Variants in MS4A3 observed in about 807,000 individuals in gnomAD.
MS4A3 encodes membrane-spanning 4-domains subfamily A member 3.
MS4A3 carries 18 observed loss-of-function variants against 24.7 expected under a neutral mutation model. That is an observed-to-expected ratio of 0.73 (90% CI 0.50 to 1.08). The LOEUF (loss-of-function observed/expected upper bound fraction) is 1.08, where lower values mean the gene tolerates loss of function less well. Among genes scored for constraint, MS4A3 ranks in the 50% least tolerant of loss-of-function variants. MS4A3 has a pLI of 0.00. For missense variants in MS4A3, 282 were observed against 251.7 expected (o/e 1.12, Z -0.82); for synonymous variants, 84 against 95.3 (o/e 0.88, Z 0.69).
At chr11:60,059,524 T>C (rs1855238297) in intron 1 of MS4A3, among the ~76,000 whole-genome samples, 1 of 152,122 alleles carries the variant, frequency 6.6e-6, no homozygotes, top group African/African-American at 2.4e-5. Context: ...TAGTTATTTT[T>C]CCCGATCTCC....
intron 5 of MS4A3, among the ~76,000 whole-genome samples, chr11:60,068,499 G>A (rs542505073): frequency 2.2e-4 from 33 of 148,892 alleles, no homozygotes; most frequent in Non-Finnish European, 1.2e-4. Context: ...TGATCCGCCC[G>A]CCTCTGCCTC....
Position 60,070,362 on chromosome 11 carries a change from C to T in MS4A3, c.*129C>T. ...AAGCTCAATCCTTCTATCATGGCAC[C>T]AATCACAAGAACCTTGGACGTTTGA... On this transcript the variant is annotated 3_prime_UTR_variant, in exon 7 of 7. Transcript: ENST00000278865. The T allele has an allele frequency of 1.4e-6, 1 of 713,804 alleles. No individual in the cohort carries two copies. The highest frequency in any genetic ancestry group is 2.4e-6 in the Non-Finnish European group (1 of 418,798). The allele number at this position is 713,804 out of a possible 1,614,324, so 44.2% of individuals were successfully genotyped here.
In MS4A3 at chr11:60,061,211, T is replaced by A; in HGVS notation, c.51T>A (p.His17Gln). 1 of 1,613,466 alleles carries A rather than the reference T, an allele frequency of 6.2e-7. No individual in the cohort carries two copies. The highest frequency in any genetic ancestry group is 8.5e-7 in the Non-Finnish European group (1 of 1,179,776). ...DNAELGSASA[H>Q]GTPGSEAGPE... ...CAGAGCTGGGGTCAGCCTCTGCCCATGGTACCCCAGGCAGTGAGGCGGGAC... is the reference window on the plus strand; with the variant it reads ...CAGAGCTGGGGTCAGCCTCTGCCCAAGGTACCCCAGGCAGTGAGGCGGGAC... Residue 17 changes from histidine to glutamine, a missense_variant, in exon 2 of 7, where the codon CAT becomes CAA. By Grantham distance (24) the His-to-Gln change is conservative. Transcript: ENST00000278865.
At chr11:60,063,318 CAT>C (rs1365067317) in intron 3 of MS4A3, among the ~76,000 whole-genome samples, 1 of 152,086 alleles carries the variant, frequency 6.6e-6, no homozygotes, top group East Asian at 1.9e-4. Flanking sequence ...GAATCATTTC[CAT>C]TATCTGGGTC....
chr11:60,067,251 CGCCCAGG>C, intron 5 of MS4A3, 139 bp downstream of exon 5: 1 of 728,344 alleles, frequency 1.4e-6, no homozygotes, highest in Non-Finnish European at 2.0e-6. Flanking sequence ...CTCGCTCTGT[CGCCCAGG>C]CTGGAGTACA....
chr11:60,059,563 GT>G (rs1268451195), intron 1 of MS4A3, among the ~76,000 whole-genome samples: 2 of 152,010 alleles, frequency 1.3e-5, no homozygotes, highest in Non-Finnish European at 2.9e-5. Context: ...ATCTCCAGTT[GT>G]TTTGTTCCCC....
rs3038645 is a variant in MS4A3, at chr11:60,070,248, T to TTATGAAAA, written c.*17_*18insTGAAAATA. On this transcript the variant is annotated 3_prime_UTR_variant, in exon 7 of 7. Transcript: ENST00000278865. ...ATTCTGTGTAATCAAGAATACCTCC[T>TTATGAAAA]TAATTCTGAGAGCATGAATATTTGA... is the stretch of plus-strand genomic sequence containing the variant. 430,354 of 1,567,806 alleles carry TTATGAAAA rather than the reference T, an allele frequency of 0.27. 64,132 individuals carry two copies. The highest frequency in any genetic ancestry group is 0.48 in the South Asian group (42,771 of 88,356).
intron 5 of MS4A3, among the ~76,000 whole-genome samples, chr11:60,068,146 A>T (rs1446807885): frequency 2.6e-5 from 4 of 152,120 alleles, no homozygotes. Flanking sequence ...GCAATCTGGA[A>T]TGTTCAAATA....
In MS4A3 at chr11:60,061,553, T is replaced by C. The variant is rs117636034; in HGVS notation, c.156+237T>C. ...TGATAATCTACTTCCACTTAATGAA[T>C]AGTAAATACATTTTCTCTTTCTTAT... is the stretch of plus-strand genomic sequence containing the variant. On this transcript the variant is annotated intron_variant, in intron 2 of 6. Transcript: ENST00000278865. 481 of 581,584 alleles carry C rather than the reference T, an allele frequency of 8.3e-4. 4 individuals are homozygous for C. The East Asian group carries it at 0.017, about 20-fold the overall frequency. The allele number at this position is 581,584 out of a possible 1,614,324, so 36.0% of individuals were successfully genotyped here.
At position 60,061,313 on chromosome 11, in the gene MS4A3, T is replaced by TG. The variant is rs1175630091; in HGVS notation, c.156+1dup. The stretch of plus-strand genomic sequence containing the variant: ...ATCAGAAAGCAAAATTACAAGTTCT[T>TG]GGGGTAAGTCAGCCTTAGTTTAAAC... On this transcript the variant is annotated frameshift_variant, in exon 2 of 7. Coordinates refer to ENST00000278865, the MANE Select transcript of MS4A3 (RefSeq NM_006138.5). LOFTEE classifies it high-confidence loss of function. 1.2e-6 allele frequency: 2 copies of TG among 1,606,452 alleles called. No individual in the cohort carries two copies. The highest frequency in any genetic ancestry group is 1.1e-5 in the South Asian group (1 of 89,352).
intron 2 of MS4A3, among the ~76,000 whole-genome samples, chr11:60,062,054 T>A (rs1590613366): frequency 6.6e-6 from 1 of 152,102 alleles, no homozygotes; most frequent in East Asian, 1.9e-4. Flanking sequence ...AATTTAAAAA[T>A]TGGGTTGAGA....
chr11:60,066,954 C>T lies in MS4A3; in HGVS notation c.355C>T (p.Gln119Ter). ...AGIKPTRTWI[Q>*]NSFGMNIASA... ...GAAAATTCTTATTCTTTTTTAGATA[C>T]AGAACAGTTTTGGAATGAACATTGC... Residue 119 changes from glutamine (Q) to a stop codon, truncating the protein, a stop_gained, in exon 5 of 7, where the codon CAG (glutamine) becomes TAG (stop). Coordinates refer to ENST00000278865, the MANE Select transcript of MS4A3 (RefSeq NM_006138.5). LOFTEE classifies it high-confidence loss of function. 6.3e-7 allele frequency: 1 copy of T among 1,587,810 alleles called. No homozygotes were observed. Among genetic ancestry groups the T allele is most frequent in the Non-Finnish European group, 8.5e-7 (1 of 1,173,122 alleles).
At chr11:60,060,975 G>A (rs1321751924) in intron 1 of MS4A3, 171 bp from the exon 2 acceptor site, 1 of 507,532 alleles carries the variant, frequency 2.0e-6, no homozygotes, top group Non-Finnish European at 3.3e-6. Flanking sequence ...CTACTCCAAG[G>A]CAAGACAGAA....
rs1855268773 is a variant in MS4A3 at position 60,061,244 on chromosome 11, G to C, written c.84G>C (p.Glu28Asp). 1.2e-6 allele frequency: 2 copies of C among 1,613,774 alleles called. No homozygotes were observed. The highest frequency in any genetic ancestry group is 2.7e-5 in the African/African-American group (2 of 74,900). ...CAGGCAGTGAGGCGGGACCAGAAGA[G>C]CTGAATACTTCTGTCTACCAGCCCA... ...GTPGSEAGPE[E>D]LNTSVYQPID... is the part of the protein sequence containing the mutation. The change falls in exon 2 of 7, where the codon GAG (glutamate) becomes GAC (aspartate). Residue 28 changes from glutamate to aspartate, a missense_variant. Glu to Asp is a conservative substitution (Grantham distance 45). Transcript: ENST00000278865.
intron 3 of MS4A3, 111 bp downstream of exon 3, chr11:60,062,716 G>C: frequency 8.6e-7 from 1 of 1,161,490 alleles, no homozygotes; most frequent in African/African-American, 1.5e-5. Context: ...GCATGCTGTG[G>C]TTTTGATTTG....
intron 5 of MS4A3, among the ~76,000 whole-genome samples, chr11:60,068,396 C>A (rs1328638306): frequency 1.3e-5 from 2 of 149,712 alleles, no homozygotes; most frequent in Non-Finnish European, 3.0e-5. Flanking sequence ...CCCGCCACCA[C>A]GCCCGGCTAA....
chr11:60,064,700 G>T (rs974447858), intron 4 of MS4A3, among the ~76,000 whole-genome samples: 1 of 152,136 alleles, frequency 6.6e-6, no homozygotes, highest in Non-Finnish European at 1.5e-5. Context: ...AGTGAGTCAC[G>T]TAGCCACTGA....
chr11:60,060,791 A>G (rs1855259501), intron 1 of MS4A3: 1 of 158,028 alleles, frequency 6.3e-6, no homozygotes, highest in African/African-American at 2.4e-5. Context: ...TAAAGCCATT[A>G]TTCTTATAAA....
At chr11:60,059,417 G>T (rs1024420005) in intron 1 of MS4A3, among the ~76,000 whole-genome samples, 4 of 152,026 alleles carry the variant, frequency 2.6e-5, no homozygotes, top group African/African-American at 9.7e-5. Flanking sequence ...TTTATTTTAG[G>T]TTTACGGGTA....
Sources: allele counts gnomAD v4.1 joint callset (sites outside exome capture counted in the v4.1 genomes callset), GRCh38; gene constraint gnomAD v4.1.1; transcripts MANE v1.5; gene names NCBI Gene and HGNC (gene_info 2026-07-23, HGNC 2026-07-21).